LMO7: variants seen among roughly 807,000 people sequenced by gnomAD.
The protein encoded by LMO7 is LIM domain only protein 7.
LMO7 carries 120 observed loss-of-function variants against 206.5 expected under a neutral mutation model. That is an observed-to-expected ratio of 0.58 (90% CI 0.50 to 0.68). The LOEUF (loss-of-function observed/expected upper bound fraction) is 0.68. Ranked by LOEUF, LMO7 falls within the 30% of genes least tolerant of loss-of-function variation. LMO7 has a pLI of 0.00. For synonymous variants in LMO7, 706 were observed against 681.5 expected (o/e 1.04, Z -0.56); for missense variants, 1,959 against 1,957.9 (o/e 1.00, Z -0.01).
intron 4 of LMO7, among the ~76,000 whole-genome samples, chr13:75,764,133 C>A (rs1159951941): frequency 6.6e-6 from 1 of 152,056 alleles, no homozygotes; most frequent in Non-Finnish European, 1.5e-5. Context: ...TCAGGTGACA[C>A]CTTTAATTTT....
chr13:75,782,709 G>T (rs1293390310), intron 4 of LMO7, among the ~76,000 whole-genome samples: 1 of 152,138 alleles, frequency 6.6e-6, no homozygotes, highest in Non-Finnish European at 1.5e-5. Flanking sequence ...ACTTCTTTCT[G>T]TCTCTTCTAG....
intron 1 of LMO7, among the ~76,000 whole-genome samples, chr13:75,670,301 T>C (rs1293175595): frequency 6.6e-6 from 1 of 152,236 alleles, no homozygotes; most frequent in Non-Finnish European, 1.5e-5. Flanking sequence ...TCATTCCTAT[T>C]GCTTCTTTTA....
intron 1 of LMO7, among the ~76,000 whole-genome samples, chr13:75,684,857 T>C (rs2040848053): frequency 6.6e-6 from 1 of 151,866 alleles, no homozygotes; most frequent in Admixed American, 6.6e-5. Context: ...ACACACAGTT[T>C]GCTCAGCCCT....
At chr13:75,679,411 C>T (rs140107284) in intron 1 of LMO7, among the ~76,000 whole-genome samples, 128 of 152,254 alleles carry the variant, frequency 8.4e-4, no homozygotes, top group African/African-American at 2.8e-3. Flanking sequence ...AACTTGGAAA[C>T]GAGTAAGACT....
chr13:75,767,574 C>CG (rs1555313692), intron 4 of LMO7, among the ~76,000 whole-genome samples: 1 of 150,860 alleles, frequency 6.6e-6, no homozygotes, highest in Non-Finnish European at 1.5e-5. Flanking sequence ...CTGCCCTCCT[C>CG]AAAAAAAAAG....
At chr13:75,632,757 G>A (rs1434451198), upstream of LMO7, among the ~76,000 whole-genome samples, 2 of 151,694 alleles carry the variant, frequency 1.3e-5, no homozygotes, top group Non-Finnish European at 2.9e-5. Flanking sequence ...CTTGCAGAAT[G>A]TCCTACTGGA....
chr13:75,804,792 A>G (rs889074738), intron 8 of LMO7: 11 of 1,126,788 alleles, frequency 9.8e-6, no homozygotes, highest in Non-Finnish European at 1.2e-5. Context: ...GGTATTTTTC[A>G]GCTTACCAGA....
At chr13:75,809,920 C>T (rs2056118477) in intron 11 of LMO7, among the ~76,000 whole-genome samples, 1 of 151,208 alleles carries the variant, frequency 6.6e-6, no homozygotes, top group South Asian at 2.1e-4. Flanking sequence ...CAACTTCCAC[C>T]TCCCAGGTTC....
intron 11 of LMO7, 123 bp from the exon 12 acceptor site, chr13:75,817,038 A>G (rs2057080638): frequency 1.5e-6 from 1 of 651,054 alleles, no homozygotes; most frequent in African/African-American, 1.8e-5. Flanking sequence ...CTTCTGTGAC[A>G]CTATCACTGA....
rs530097274 is a variant in LMO7, at chr13:75,721,180, G to A, written c.141-5849G>A. On this transcript the variant is annotated intron_variant, in intron 2 of 30. Coordinates refer to ENST00000377534, the MANE Select transcript of LMO7 (RefSeq NM_001306080.2). ...AAAATACTAGGGAGGAGTGTTGTTG[G>A]TAAGAGCAAAAAGCAATTTCTAGCA... is the stretch of plus-strand genomic sequence containing the variant. Among the ~76,000 whole-genome samples the A allele has an allele frequency of 4.6e-5, 7 of 152,250 alleles. No homozygotes were observed. The East Asian group carries it at 1.4e-3, about 29-fold the overall frequency.
chr13:75,812,075 G>A (rs1185378433), intron 11 of LMO7, among the ~76,000 whole-genome samples: 2 of 152,172 alleles, frequency 1.3e-5, no homozygotes, highest in East Asian at 3.8e-4. Flanking sequence ...GGCAATGTCT[G>A]GAGGCATTTT....
intron 3 of LMO7, among the ~76,000 whole-genome samples, chr13:75,727,565 T>C (rs979017872): frequency 6.6e-6 from 1 of 152,134 alleles, no homozygotes; most frequent in Admixed American, 6.6e-5. Context: ...TATGTACTTA[T>C]GTATATATAA....
chr13:75,781,096 C>CTTTTTTTTTTTTTTTTTTTTTT (rs367937964), intron 4 of LMO7, among the ~76,000 whole-genome samples: 7 of 41,918 alleles, frequency 1.7e-4, no homozygotes, highest in African/African-American at 2.3e-4. Flanking sequence ...CTCTATTTTC[C>CTTTTTTTTTTTTTTTTTTTTTT]TTTTTTTTTT....
chr13:75,787,323 G>T (rs2052593335), intron 4 of LMO7, among the ~76,000 whole-genome samples: 1 of 152,184 alleles, frequency 6.6e-6, no homozygotes, highest in Non-Finnish European at 1.5e-5. Context: ...GGTTGAGAGG[G>T]TTAGGGATTA....
chr13:75,631,915 G>A (rs1410598355), upstream of LMO7: 1 of 152,142 alleles, frequency 6.6e-6, no homozygotes, highest in African/African-American at 2.4e-5. Flanking sequence ...TTAGGTCCTT[G>A]GTATAAATTC....
intron 1 of LMO7, among the ~76,000 whole-genome samples, chr13:75,702,785 C>T (rs914523911): frequency 6.6e-6 from 1 of 152,146 alleles, no homozygotes; most frequent in African/African-American, 2.4e-5. Context: ...ATGTATATAG[C>T]AGGTTGTCAT....
chr13:75,647,093 G>A (rs2037098390), intron 1 of LMO7, among the ~76,000 whole-genome samples: 1 of 151,908 alleles, frequency 6.6e-6, no homozygotes, highest in East Asian at 1.9e-4. Flanking sequence ...GTGTCTATGT[G>A]TATTTGTTTT....
At chr13:75,814,024 A>T (rs2056731139) in intron 11 of LMO7, among the ~76,000 whole-genome samples, 1 of 152,200 alleles carries the variant, frequency 6.6e-6, no homozygotes, top group South Asian at 2.1e-4. Context: ...ACGTGAATCT[A>T]TATTCTCAAA....
At chr13:75,780,097 G>T (rs946416685) in intron 4 of LMO7, among the ~76,000 whole-genome samples, 1 of 152,092 alleles carries the variant, frequency 6.6e-6, no homozygotes, top group Non-Finnish European at 1.5e-5. Flanking sequence ...AAATGGGCAG[G>T]GCAAGGTCAC....
Sources: allele counts gnomAD v4.1 joint callset (sites outside exome capture counted in the v4.1 genomes callset), GRCh38; gene constraint gnomAD v4.1.1; transcripts MANE v1.5; gene names NCBI Gene and HGNC (gene_info 2026-07-23, HGNC 2026-07-21).